ESRRG: variants seen among roughly 807,000 people sequenced by gnomAD.
The protein encoded by ESRRG is estrogen related receptor gamma.
ESRRG carries 13 observed loss-of-function variants against 44.0 expected under a neutral mutation model. The observed-to-expected ratio is 0.30, with a 90% confidence interval of 0.19 to 0.47. The LOEUF is 0.47. Among genes scored for constraint, ESRRG ranks in the 20% least tolerant of loss-of-function variants. The pLI is 1.00. For synonymous variants in ESRRG, 215 were observed against 214.6 expected (o/e 1.00, Z -0.02); for missense variants, 395 against 580.6 (o/e 0.68, Z 3.29).
chr1:216,734,354 G>A (rs762019023), intron 2 of ESRRG, among the ~76,000 whole-genome samples: 3 of 152,216 alleles, frequency 2.0e-5, no homozygotes, highest in Admixed American at 6.5e-5. Flanking sequence ...TGTTGGAGGC[G>A]GGCCTAGTGG....
chr1:216,971,241 T>A (rs969773891), intron 1 of ESRRG, among the ~76,000 whole-genome samples: 50 of 152,274 alleles, frequency 3.3e-4, no homozygotes, highest in African/African-American at 1.2e-3. Context: ...GAATAGACAA[T>A]GAAGAGAATC....
intron 1 of ESRRG, among the ~76,000 whole-genome samples, chr1:216,714,097 A>G (rs2084263895): frequency 6.6e-6 from 1 of 152,184 alleles, no homozygotes; most frequent in Non-Finnish European, 1.5e-5. Flanking sequence ...CTGCTGTAAC[A>G]TTAACTTAGC....
intron 2 of ESRRG, among the ~76,000 whole-genome samples, chr1:216,888,879 A>G (rs1194865172): frequency 6.6e-6 from 1 of 152,214 alleles, no homozygotes; most frequent in Non-Finnish European, 1.5e-5. Flanking sequence ...AGGAAACTAG[A>G]TGCCATCAGA....
chr1:216,899,449 T>C (rs2058809094), intron 2 of ESRRG, among the ~76,000 whole-genome samples: 2 of 152,228 alleles, frequency 1.3e-5, no homozygotes, highest in Non-Finnish European at 1.5e-5. Flanking sequence ...CTCAAAGGCA[T>C]TGGGTCGTCT....
At chr1:216,803,899 G>A (rs1054257379) in intron 2 of ESRRG, among the ~76,000 whole-genome samples, 2 of 151,932 alleles carry the variant, frequency 1.3e-5, no homozygotes, top group Admixed American at 1.3e-4. Context: ...AGCTTTTGTT[G>A]AGTAGATAAT....
At chr1:216,514,410 A>G (rs2043580966) in intron 6 of ESRRG, among the ~76,000 whole-genome samples, 1 of 152,164 alleles carries the variant, frequency 6.6e-6, no homozygotes, top group Non-Finnish European at 1.5e-5. Context: ...TACCTGCCAC[A>G]CAAAGCTTAC....
intron 1 of ESRRG, among the ~76,000 whole-genome samples, chr1:217,045,146 G>A (rs893939668): frequency 5.9e-5 from 9 of 152,044 alleles, no homozygotes; most frequent in African/African-American, 2.2e-4. Context: ...CATTTGTTAG[G>A]GCTTTATTTG....
chr1:217,025,979 A>C (rs1015066380), intron 1 of ESRRG, among the ~76,000 whole-genome samples: 4 of 152,192 alleles, frequency 2.6e-5, no homozygotes, highest in African/African-American at 9.6e-5. Context: ...TAGCCAAAAA[A>C]GGAAAATTCT....
chr1:216,870,599 A>T (rs2096246657), intron 2 of ESRRG, among the ~76,000 whole-genome samples: 1 of 151,936 alleles, frequency 6.6e-6, no homozygotes, highest in African/African-American at 2.4e-5. Context: ...CTTCCATAAT[A>T]GTTTGGTAAA....
At chr1:216,837,190 A>C (rs2095578770) in intron 2 of ESRRG, among the ~76,000 whole-genome samples, 2 of 151,964 alleles carry the variant, frequency 1.3e-5, no homozygotes, top group East Asian at 1.9e-4. Context: ...CGGGCAGATC[A>C]CGAGGTCAGG....
At chr1:216,988,889 A>C (rs1428901784) in intron 1 of ESRRG, among the ~76,000 whole-genome samples, 1 of 152,224 alleles carries the variant, frequency 6.6e-6, no homozygotes, top group Non-Finnish European at 1.5e-5. Context: ...TGCCTAAAGA[A>C]AATGAAAGGG....
intron 1 of ESRRG, among the ~76,000 whole-genome samples, chr1:216,981,444 T>C (rs931612590): frequency 1.3e-5 from 2 of 152,132 alleles, no homozygotes; most frequent in Non-Finnish European, 2.9e-5. Flanking sequence ...ACAATAATGG[T>C]ACCCTATTTC....
intron 1 of ESRRG, among the ~76,000 whole-genome samples, chr1:217,047,221 A>G (rs956524979): frequency 5.3e-5 from 8 of 152,138 alleles, no homozygotes; most frequent in Non-Finnish European, 7.4e-5. Flanking sequence ...GTGATTTCCT[A>G]AAGAAGTATC....
intron 1 of ESRRG, among the ~76,000 whole-genome samples, chr1:217,061,447 C>T (rs192505671): frequency 1.3e-5 from 2 of 152,234 alleles, no homozygotes; most frequent in East Asian, 1.9e-4. Flanking sequence ...ACTGCTTTCA[C>T]GCTTCCAATT....
intron 2 of ESRRG, among the ~76,000 whole-genome samples, chr1:216,880,625 A>G (rs928826228): frequency 9.9e-5 from 15 of 152,266 alleles, no homozygotes; most frequent in African/African-American, 3.6e-4. Context: ...AAATGTTCCT[A>G]ACATATTAGT....
rs948601657 is a variant in ESRRG at position 216,740,588 on chromosome 1, C to A, written c.-13-63097G>T. On this transcript the variant is annotated intron_variant, in intron 2 of 7. Coordinates refer to the ESRRG transcript ENST00000359162. ...GAGGCCTTTTTTGTTCAATTTTGGA[C>A]GAGAGAGATTTCTAAGCCCTGCAAA... Among the ~76,000 whole-genome samples, 3 of 147,960 alleles carry A rather than the reference C, an allele frequency of 2.0e-5. No homozygotes were observed. The East Asian group carries it at 6.0e-4, about 29-fold the overall frequency.
In ESRRG at chr1:216,524,969, C is replaced by T. The variant is rs148835878; in HGVS notation, c.863-5548G>A. Among the ~76,000 whole-genome samples the T allele has an allele frequency of 3.9e-5, 6 of 152,292 alleles. 1 individual carries two copies. In the East Asian group the frequency reaches 1.2e-3, roughly 29 times the overall value. On this transcript the variant is annotated intron_variant, in intron 5 of 6. Coordinates refer to ENST00000408911, the MANE Select transcript of ESRRG (RefSeq NM_001438.4). ...TACAGGTGCAATTGACCACTGACTA[C>T]TCATGCTGATTACATAAACAACCAA...
chr1:216,578,578 T>C (rs1376836928), intron 3 of ESRRG, among the ~76,000 whole-genome samples: 1 of 152,056 alleles, frequency 6.6e-6, no homozygotes, highest in Admixed American at 6.6e-5. Context: ...TACTCTAAAA[T>C]GGGTTGATTC....
At chr1:217,033,484 A>T (rs551597707) in intron 1 of ESRRG, among the ~76,000 whole-genome samples, 1 of 152,298 alleles carries the variant, frequency 6.6e-6, no homozygotes, top group East Asian at 1.9e-4. Context: ...TAAATGATTA[A>T]TGTTTGGATG....
Sources: gnomAD v4.1 joint callset for allele counts (sites outside exome capture counted in the v4.1 genomes callset) on GRCh38, gnomAD v4.1.1 for gene constraint, MANE v1.5 for transcripts, NCBI Gene and HGNC (gene_info 2026-07-23, HGNC 2026-07-21) for gene names.